The following NCKAP5 variants were observed in gnomAD, a reference collection of about 807,000 sequenced individuals.
NCKAP5 encodes nck-associated protein 5.
Under a neutral mutation model 167.0 loss-of-function variants are expected in NCKAP5, and 92 were observed. The observed-to-expected ratio is 0.55, with a 90% CI of 0.47 to 0.66. The LOEUF (loss-of-function observed/expected upper bound fraction) is 0.66, where lower values mean the gene tolerates loss of function less well. NCKAP5 is among the 30% of genes least tolerant of loss of function. NCKAP5 has a pLI of 0.00. For missense variants in NCKAP5, 2,378 were observed against 2,315.0 expected (o/e 1.03, Z -0.56); for synonymous variants, 891 against 877.4 (o/e 1.02, Z -0.27).
At chr2:133,068,726 A>C (rs1382093486) in intron 6 of NCKAP5, among the ~76,000 whole-genome samples, 1 of 152,226 alleles carries the variant, frequency 6.6e-6, no homozygotes, top group Non-Finnish European at 1.5e-5. Context: ...CTGAATCTGC[A>C]CCATAACTTA....
intron 2 of NCKAP5, chr2:133,556,626 A>C (rs1201067684): frequency 6.6e-6 from 1 of 152,212 alleles, no homozygotes; most frequent in African/African-American, 2.4e-5. Context: ...GTGGAGATTG[A>C]ATTTACATAG....
At chr2:133,245,555 TG>T (rs1159838596) in intron 4 of NCKAP5, among the ~76,000 whole-genome samples, 13 of 152,232 alleles carry the variant, frequency 8.5e-5, no homozygotes, top group African/African-American at 2.4e-4. Flanking sequence ...ATTACATAGG[TG>T]TTTTCACTTT....
intron 5 of NCKAP5, among the ~76,000 whole-genome samples, chr2:133,212,575 C>A (rs1412579353): frequency 6.6e-6 from 1 of 152,130 alleles, no homozygotes; most frequent in Non-Finnish European, 1.5e-5. Flanking sequence ...ACCATGTTGG[C>A]CACGCTGGTC....
At chr2:133,334,366 C>T (rs529657269) in intron 3 of NCKAP5, among the ~76,000 whole-genome samples, 171 of 152,180 alleles carry the variant, frequency 1.1e-3, no homozygotes, top group African/African-American at 4.0e-3. Flanking sequence ...AAGTATCTGT[C>T]ATGGAGGGCA....
At chr2:133,000,483 G>A (rs2077741864) in intron 6 of NCKAP5, among the ~76,000 whole-genome samples, 1 of 152,120 alleles carries the variant, frequency 6.6e-6, no homozygotes, top group Non-Finnish European at 1.5e-5. Flanking sequence ...GGAAAAGAAG[G>A]AATACTTGCA....
At chr2:132,933,161 A>G (rs369068590) in intron 8 of NCKAP5, among the ~76,000 whole-genome samples, 72 of 152,108 alleles carry the variant, frequency 4.7e-4, no homozygotes, top group African/African-American at 8.7e-4. Flanking sequence ...TTCTGACCTC[A>G]TGATCTGCCC....
intron 16 of NCKAP5, among the ~76,000 whole-genome samples, chr2:132,755,162 G>A (rs1238071379): frequency 6.6e-6 from 1 of 152,212 alleles, no homozygotes; most frequent in African/African-American, 2.4e-5. Flanking sequence ...TAACTATTGG[G>A]CAAAGCCCCA....
chr2:133,627,967 C>T, the NCKAP5 span, among the ~76,000 whole-genome samples: 1 of 152,198 alleles, frequency 6.6e-6, no homozygotes, highest in Non-Finnish European at 1.5e-5. Flanking sequence ...GTGACATGAG[C>T]AGAGACTTAA....
At chr2:133,582,559 G>T in the NCKAP5 span, among the ~76,000 whole-genome samples, 9 of 152,166 alleles carry the variant, frequency 5.9e-5, no homozygotes, top group African/African-American at 2.2e-4. Flanking sequence ...ATGCACGGTA[G>T]TAATCAGTGC....
At chr2:133,528,303 T>A (rs1052294542) in intron 2 of NCKAP5, among the ~76,000 whole-genome samples, 2 of 144,206 alleles carry the variant, frequency 1.4e-5, no homozygotes, top group African/African-American at 5.3e-5. Flanking sequence ...GCAATAAAAA[T>A]CAAAACTTCA....
chr2:133,118,692 G>A (rs753075792), intron 6 of NCKAP5: 2 of 152,108 alleles, frequency 1.3e-5, no homozygotes, highest in African/African-American at 4.8e-5. Flanking sequence ...AGGCATCAGG[G>A]AGATGGTGAA....
At chr2:133,160,433 C>T (rs2320539) in intron 5 of NCKAP5, among the ~76,000 whole-genome samples, 385 of 100,006 alleles carry the variant, frequency 3.8e-3, no homozygotes, top group East Asian at 6.5e-3. Context: ...CTTTTCCTTT[C>T]TTTTTCTTTT....
At chr2:133,310,324 G>A (rs147549529) in intron 3 of NCKAP5, among the ~76,000 whole-genome samples, 158 of 152,234 alleles carry the variant, frequency 1.0e-3, no homozygotes, top group African/African-American at 3.3e-3. Flanking sequence ...TCCTCCCACC[G>A]CCATCTTAGC....
intron 6 of NCKAP5, among the ~76,000 whole-genome samples, chr2:133,067,770 T>C (rs1448109119): frequency 1.3e-5 from 2 of 152,166 alleles, no homozygotes; most frequent in Non-Finnish European, 2.9e-5. Context: ...TGAGGAGCTG[T>C]TGCAGACTGT....
At chr2:133,633,563 C>T in the NCKAP5 span, among the ~76,000 whole-genome samples, 2 of 152,144 alleles carry the variant, frequency 1.3e-5, no homozygotes, top group African/African-American at 4.8e-5. Flanking sequence ...TGAGACAGCA[C>T]ACAGATAGGG....
At chr2:133,068,907 C>G (rs535521184) in intron 6 of NCKAP5, among the ~76,000 whole-genome samples, 30 of 152,184 alleles carry the variant, frequency 2.0e-4, no homozygotes, top group East Asian at 1.9e-4. Flanking sequence ...AGCTAAAGAG[C>G]CAGTTAGGGA....
intron 7 of NCKAP5, among the ~76,000 whole-genome samples, chr2:132,970,877 T>C (rs1428532282): frequency 6.6e-6 from 1 of 152,218 alleles, no homozygotes; most frequent in Non-Finnish European, 1.5e-5. Context: ...GATGGCCAGC[T>C]GCTGCTCAGT....
chr2:133,132,552 A>G (rs1330096259), intron 5 of NCKAP5, among the ~76,000 whole-genome samples: 2 of 151,792 alleles, frequency 1.3e-5, no homozygotes, highest in Admixed American at 1.3e-4. Flanking sequence ...CTAAGGAATT[A>G]AGACTATGAG....
intron 3 of NCKAP5, among the ~76,000 whole-genome samples, chr2:133,509,847 A>G (rs1298297412): frequency 6.6e-6 from 1 of 152,192 alleles, no homozygotes; most frequent in East Asian, 1.9e-4. Context: ...ACCCTGTTCT[A>G]GAGCACACTG....
Sources: gnomAD v4.1 joint callset for allele counts (sites outside exome capture counted in the v4.1 genomes callset) on GRCh38, gnomAD v4.1.1 for gene constraint, MANE v1.5 for transcripts, NCBI Gene and HGNC (gene_info 2026-07-23, HGNC 2026-07-21) for gene names.